The following EXT1 variants were observed in gnomAD, a reference collection of about 807,000 sequenced individuals.
EXT1 encodes exostosin-1.
EXT1 carries 20 observed loss-of-function variants against 82.5 expected under a neutral mutation model. The observed-to-expected ratio is 0.24, with a 90% CI of 0.17 to 0.35. The LOEUF (loss-of-function observed/expected upper bound fraction) is 0.35. Ranked by LOEUF, EXT1 falls within the 10% of genes least tolerant of loss-of-function variation. EXT1 has a pLI of 1.00. For missense variants in EXT1, 757 were observed against 936.5 expected (o/e 0.81, Z 2.50); for synonymous variants, 348 against 350.8 (o/e 0.99, Z 0.09).
chr8:118,070,632 G>A (rs940415081), intron 1 of EXT1, among the ~76,000 whole-genome samples: 10 of 152,118 alleles, frequency 6.6e-5, no homozygotes, highest in African/African-American at 2.4e-4. Flanking sequence ...TAGGAGTTAA[G>A]ACCAAACAAA....
intron 3 of EXT1, among the ~76,000 whole-genome samples, chr8:117,831,132 G>T (rs927399167): frequency 1.3e-5 from 2 of 152,180 alleles, no homozygotes; most frequent in African/African-American, 4.8e-5. Flanking sequence ...TATTTTTAAT[G>T]GTAGTATAAC....
intron 1 of EXT1, among the ~76,000 whole-genome samples, chr8:117,887,152 T>C (rs1813160279): frequency 6.6e-6 from 1 of 152,234 alleles, no homozygotes; most frequent in Non-Finnish European, 1.5e-5. Flanking sequence ...TAACAAATAT[T>C]GTTATGTTTA....
At chr8:117,896,047 T>C (rs1813330130) in intron 1 of EXT1, among the ~76,000 whole-genome samples, 1 of 152,208 alleles carries the variant, frequency 6.6e-6, no homozygotes, top group South Asian at 2.1e-4. Context: ...GTCATGCATG[T>C]ATATTTTACC....
rs938900304 is a variant in EXT1, at chr8:117,964,631, T to G, written c.963-127430A>C. 2.0e-4 allele frequency among the ~76,000 whole-genome samples: 28 copies of G among 139,002 alleles called. 1 individual carries two copies. Among genetic ancestry groups the G allele is most frequent in the African/African-American group, 6.7e-4 (24 of 35,676 alleles). 91.2% of individuals were successfully genotyped at this position (139,002 alleles called of 152,430 possible). Reference sequence around the variant, plus strand: ...TATGTCTGTGTGTGTGTGTGTTTGTTTGTTTGTTTGTTTGTTTGTTTGTTT... The same window carrying G: ...TATGTCTGTGTGTGTGTGTGTTTGTGTGTTTGTTTGTTTGTTTGTTTGTTT... On this transcript the variant is annotated intron_variant, in intron 1 of 10. Transcript: ENST00000378204.
chr8:118,081,842 A>G lies in EXT1; in HGVS notation c.962+28243T>C, dbSNP rs952910645. 3.9e-5 allele frequency among the ~76,000 whole-genome samples: 6 copies of G among 152,080 alleles called. No homozygotes were observed. The East Asian group carries it at 5.8e-4, about 15-fold the overall frequency. Reference sequence around the variant, plus strand: ...TGCCCCGGGGAATTACAACTGCTCCATTTTCTCCTCTTTCAACCCAGTCTG... The same window carrying G: ...TGCCCCGGGGAATTACAACTGCTCCGTTTTCTCCTCTTTCAACCCAGTCTG... On this transcript the variant is annotated intron_variant, in intron 1 of 10. Coordinates refer to ENST00000378204, the MANE Select transcript of EXT1 (RefSeq NM_000127.3).
In EXT1 at chr8:118,110,108, G is replaced by C; in HGVS notation, c.939C>G (p.Asp313Glu). 6.2e-7 allele frequency: 1 copy of C among 1,614,196 alleles called. No homozygotes were observed. Among genetic ancestry groups the C allele is most frequent in the South Asian group, 1.1e-5 (1 of 91,080 alleles). ...DWQKHKDSRCDRDNTEYEKYD... is the reference protein window; with the variant it reads ...DWQKHKDSRCERDNTEYEKYD... The stretch of plus-strand genomic sequence containing the variant: ...ACTTCTCATACTCGGTGTTGTCTCT[G>C]TCACAGCGAGAATCCTTGTGCTTTT... The change falls in exon 1 of 11, where the codon GAC becomes GAG. Residue 313 changes from aspartate to glutamate, a missense_variant. Asp to Glu is a conservative substitution (Grantham distance 45). This residue lies in a region of EXT1 where 247 missense variants were observed against 330.1 expected (regional missense o/e 0.75). Coordinates refer to ENST00000378204, the MANE Select transcript of EXT1 (RefSeq NM_000127.3).
intron 1 of EXT1, among the ~76,000 whole-genome samples, chr8:117,944,423 T>C (rs1240478654): frequency 6.6e-6 from 1 of 152,008 alleles, no homozygotes; most frequent in Non-Finnish European, 1.5e-5. Context: ...AAATCGGAGT[T>C]AATGCCCCAA....
chr8:117,934,589 C>A (rs1405339746), intron 1 of EXT1, among the ~76,000 whole-genome samples: 1 of 152,222 alleles, frequency 6.6e-6, no homozygotes, highest in Non-Finnish European at 1.5e-5. Context: ...ACCCTCTTTG[C>A]TTCCCTGTAT....
chr8:118,002,275 G>A (rs962899024), intron 1 of EXT1, among the ~76,000 whole-genome samples: 2 of 151,054 alleles, frequency 1.3e-5, no homozygotes, highest in Non-Finnish European at 2.9e-5. Context: ...ATGGTTTGTG[G>A]GAGGCTGAGA....
chr8:118,024,782 A>ATGAG (rs1816173627), intron 1 of EXT1, among the ~76,000 whole-genome samples: 1 of 152,216 alleles, frequency 6.6e-6, no homozygotes, highest in Non-Finnish European at 1.5e-5. Context: ...AAAGTGCTGG[A>ATGAG]TGAGGCTGGA....
chr8:117,915,186 T>C (rs1048927621), intron 1 of EXT1, among the ~76,000 whole-genome samples: 12 of 152,188 alleles, frequency 7.9e-5, no homozygotes, highest in Non-Finnish European at 1.3e-4. Context: ...CATTGAAATA[T>C]TGGGGGCGGG....
At chr8:117,884,075 C>T (rs1375888166) in intron 1 of EXT1, among the ~76,000 whole-genome samples, 2 of 152,124 alleles carry the variant, frequency 1.3e-5, no homozygotes, top group Non-Finnish European at 2.9e-5. Flanking sequence ...TGCTTATGTA[C>T]ATAGAGGTTA....
At chr8:117,916,307 T>A (rs543183194) in intron 1 of EXT1, among the ~76,000 whole-genome samples, 1 of 152,132 alleles carries the variant, frequency 6.6e-6, no homozygotes, top group Non-Finnish European at 1.5e-5. Context: ...TGTGTTAAAA[T>A]CTAGAGTGCA....
chr8:117,797,553 G>A lies in EXT1; in HGVS notation c.*2159C>T, dbSNP rs909743241. On this transcript the variant is annotated 3_prime_UTR_variant, in exon 11 of 11. Coordinates refer to ENST00000378204, the MANE Select transcript of EXT1 (RefSeq NM_000127.3). ...TTTTGGGGTCATTGAACAAAATATC[G>A]CATTTATTTTTTGGTAAAGGAGAAA... The A allele has an allele frequency of 3.3e-5, 5 of 152,112 alleles. No homozygotes were observed. Among genetic ancestry groups the A allele is most frequent in the South Asian group, 2.1e-4 (1 of 4,816 alleles). The allele number at this position is 152,112 out of a possible 1,614,324, so 9.4% of individuals were successfully genotyped here.
At chr8:117,938,042 C>T (rs537242744) in intron 1 of EXT1, among the ~76,000 whole-genome samples, 1 of 152,304 alleles carries the variant, frequency 6.6e-6, no homozygotes, top group Admixed American at 6.5e-5. Context: ...ATCTCATTTG[C>T]CCCACACTAT....
intron 10 of EXT1, among the ~76,000 whole-genome samples, chr8:117,801,846 GC>G (rs1823171550): frequency 6.6e-6 from 1 of 152,172 alleles, no homozygotes; most frequent in Admixed American, 6.5e-5. Context: ...CCCAAAGGGT[GC>G]TGTACCCAGG....
intron 1 of EXT1, among the ~76,000 whole-genome samples, chr8:117,921,668 T>C (rs1813859989): frequency 6.6e-6 from 1 of 152,206 alleles, no homozygotes; most frequent in Non-Finnish European, 1.5e-5. Context: ...AGGCAGAAAA[T>C]GCCATCTCTA....
intron 1 of EXT1, among the ~76,000 whole-genome samples, chr8:117,916,430 A>C (rs950270448): frequency 1.3e-5 from 2 of 152,218 alleles, no homozygotes; most frequent in Non-Finnish European, 2.9e-5. Context: ...AAACCCAGCA[A>C]GACCTCCTCT....
At chr8:117,964,211 G>A (rs567379867) in intron 1 of EXT1, among the ~76,000 whole-genome samples, 10 of 152,244 alleles carry the variant, frequency 6.6e-5, no homozygotes, top group African/African-American at 2.4e-4. Flanking sequence ...AACCCTCCCA[G>A]CTGATCTGAA....
Sources: gnomAD v4.1 joint callset for allele counts (sites outside exome capture counted in the v4.1 genomes callset) on GRCh38, gnomAD v4.1.1 for gene constraint, gnomAD v4.1.1 regional missense constraint, MANE v1.5 for transcripts, NCBI Gene and HGNC (gene_info 2026-07-23, HGNC 2026-07-21) for gene names.